Variants in MEIS2 observed in about 807,000 individuals in gnomAD.
The protein encoded by MEIS2 is homeobox protein Meis2.
MEIS2 carries 9 observed loss-of-function variants against 58.6 expected under a neutral mutation model. The ratio of observed to expected loss-of-function variants is 0.15; its 90% CI spans 0.09 to 0.27. The LOEUF (loss-of-function observed/expected upper bound fraction) is 0.27, where lower values mean the gene tolerates loss of function less well. Among genes scored for constraint, MEIS2 ranks in the 10% least tolerant of loss-of-function variants. MEIS2 has a pLI of 1.00. For missense variants in MEIS2, 427 were observed against 635.0 expected (o/e 0.67, Z 3.52); for synonymous variants, 221 against 228.4 (o/e 0.97, Z 0.29).
At chr15:36,894,489 G>C in intron 11 of MEIS2, 1 of 354,482 alleles carries the variant, frequency 2.8e-6, no homozygotes, top group Non-Finnish European at 5.2e-6. Flanking sequence ...CTAAAAGGCA[G>C]TCCCACCTGC....
intron 8 of MEIS2, among the ~76,000 whole-genome samples, chr15:37,009,312 A>T (rs754673898): frequency 1.4e-4 from 22 of 152,236 alleles, no homozygotes; most frequent in Non-Finnish European, 2.6e-4. Flanking sequence ...AAATAAAAAA[A>T]AATAAGATGT....
At chr15:36,933,588 A>ATGTG (rs753916853) in intron 9 of MEIS2, among the ~76,000 whole-genome samples, 1 of 104,774 alleles carries the variant, frequency 9.5e-6, no homozygotes, top group Non-Finnish European at 1.7e-5. Flanking sequence ...ATTTATGTGT[A>ATGTG]TGTGTGTGTG....
At chr15:36,902,553 C>T (rs1321929697) in intron 9 of MEIS2, among the ~76,000 whole-genome samples, 3 of 152,158 alleles carry the variant, frequency 2.0e-5, no homozygotes, top group African/African-American at 7.2e-5. Context: ...AATACATTAC[C>T]GTCCCCATTC....
intron 8 of MEIS2, among the ~76,000 whole-genome samples, chr15:36,984,908 T>C (rs2060046183): frequency 1.3e-5 from 2 of 152,188 alleles, no homozygotes; most frequent in South Asian, 2.1e-4. Context: ...TATAATCTTT[T>C]GTATTTCTGT....
intron 8 of MEIS2, among the ~76,000 whole-genome samples, chr15:37,022,332 A>G (rs2061552442): frequency 6.6e-6 from 1 of 152,184 alleles, no homozygotes; most frequent in African/African-American, 2.4e-5. Flanking sequence ...GTTGATTTTT[A>G]AATTTATTTG....
rs376592328 is a variant in MEIS2 at position 37,095,668 on chromosome 15, C to T, written c.388-54G>A. ...GATCACCCCATTTAAAATAAGAAAG[C>T]TGAAATGTGAGAATGGGTACGGTGG... On this transcript the variant is annotated intron_variant, in intron 3 of 11. Coordinates refer to ENST00000561208, the MANE Select transcript of MEIS2 (RefSeq NM_170675.5). The T allele has an allele frequency of 2.6e-4, 414 of 1,613,658 alleles. 3 individuals are homozygous for T. The South Asian group carries it at 4.3e-3, about 17-fold the overall frequency.
intron 7 of MEIS2, among the ~76,000 whole-genome samples, chr15:37,055,012 T>G (rs1002872903): frequency 3.9e-5 from 6 of 152,114 alleles, no homozygotes; most frequent in African/African-American, 1.4e-4. Context: ...CCTATGAGAG[T>G]TGACATTTTC....
intron 8 of MEIS2, among the ~76,000 whole-genome samples, chr15:37,001,114 A>G (rs913854830): frequency 3.9e-5 from 6 of 152,190 alleles, no homozygotes; most frequent in African/African-American, 1.4e-4. Context: ...CAACTACCTG[A>G]TGCCAATCAC....
At chr15:37,050,989 C>T (rs1048416252) in intron 7 of MEIS2, 5 of 152,166 alleles carry the variant, frequency 3.3e-5, no homozygotes, top group African/African-American at 1.2e-4. Flanking sequence ...CCCTCTGAAC[C>T]TCAGTTTCCT....
In MEIS2 at chr15:36,921,014, A is replaced by C. The variant is rs142776691; in HGVS notation, c.978-24328T>G. ...ACAAAAACAAAAACAAAAACAAAAA[A>C]AAACCTCTGTTGTTCATTTTTAACC... is the stretch of plus-strand genomic sequence containing the variant. On this transcript the variant is annotated intron_variant, in intron 9 of 11. Transcript: ENST00000561208. Among the ~76,000 whole-genome samples the C allele has an allele frequency of 9.5e-3, 1,442 of 152,300 alleles. 7 individuals carry two copies. The highest frequency in any genetic ancestry group is 0.031 in the Middle Eastern group (9 of 294).
chr15:37,099,037 C>T (rs1894760480), intron 1 of MEIS2: 2 of 983,280 alleles, frequency 2.0e-6, no homozygotes, highest in African/African-American at 1.8e-5. Context: ...GGCGGCGGCT[C>T]CTACGCAGCC....
At chr15:36,904,531 G>A (rs2056630156) in intron 9 of MEIS2, among the ~76,000 whole-genome samples, 1 of 152,034 alleles carries the variant, frequency 6.6e-6, no homozygotes, top group Admixed American at 6.6e-5. Context: ...CCCTAAGTGA[G>A]TTTCTATTTT....
chr15:37,091,514 T>G (rs1205505018), intron 6 of MEIS2, among the ~76,000 whole-genome samples: 3 of 152,160 alleles, frequency 2.0e-5, no homozygotes, highest in Admixed American at 6.5e-5. Context: ...AGTTGTCATA[T>G]TTACTTGACT....
At chr15:37,083,686 T>C in intron 7 of MEIS2, 85 bp downstream of exon 7, 2 of 1,060,096 alleles carry the variant, frequency 1.9e-6, no homozygotes, top group East Asian at 5.1e-5. Flanking sequence ...CCTGTTTACA[T>C]GGCGGCAGAT....
intron 6 of MEIS2, among the ~76,000 whole-genome samples, chr15:37,092,550 C>G: frequency 6.6e-6 from 1 of 151,830 alleles, no homozygotes; most frequent in East Asian, 1.9e-4. Flanking sequence ...CTATAGACAC[C>G]CTGTCCCCCA....
At chr15:36,894,594 G>T (rs772816902) in intron 11 of MEIS2, 7 of 704,258 alleles carry the variant, frequency 9.9e-6, no homozygotes, top group Non-Finnish European at 1.6e-5. Context: ...TTTAAAAACA[G>T]GTCCTTAGTT....
At chr15:36,958,928 A>T (rs2059086705) in intron 8 of MEIS2, among the ~76,000 whole-genome samples, 2 of 152,158 alleles carry the variant, frequency 1.3e-5, no homozygotes, top group Non-Finnish European at 2.9e-5. Flanking sequence ...AAAAAATTGA[A>T]TTTTGTACTT....
At chr15:36,966,082 C>T (rs2059346351) in intron 8 of MEIS2, among the ~76,000 whole-genome samples, 1 of 152,088 alleles carries the variant, frequency 6.6e-6, no homozygotes, top group African/African-American at 2.4e-5. Flanking sequence ...AAGTTTTGAA[C>T]AGTTCCTAGG....
At chr15:36,967,449 G>A (rs1747895961) in intron 8 of MEIS2, among the ~76,000 whole-genome samples, 5 of 152,120 alleles carry the variant, frequency 3.3e-5, no homozygotes, top group Admixed American at 3.3e-4. Flanking sequence ...CTTATACTAA[G>A]CTGATTTGGA....
Sources: allele counts gnomAD v4.1 joint callset (sites outside exome capture counted in the v4.1 genomes callset), GRCh38; gene constraint gnomAD v4.1.1; transcripts MANE v1.5; gene names NCBI Gene and HGNC (gene_info 2026-07-23, HGNC 2026-07-21).